Variants in INPP4B observed in about 807,000 individuals in gnomAD.
The protein encoded by INPP4B is inositol polyphosphate 4-phosphatase type II.
In INPP4B, 55 loss-of-function variants were observed where a neutral mutation model predicts 122.5. The observed-to-expected ratio is 0.45, with a 90% confidence interval of 0.36 to 0.56. The LOEUF (loss-of-function observed/expected upper bound fraction) is 0.56. Ranked by LOEUF, INPP4B falls within the 20% of genes least tolerant of loss-of-function variation. INPP4B has a pLI of 0.00. For synonymous variants in INPP4B, 403 were observed against 388.7 expected (o/e 1.04, Z -0.43); for missense variants, 1,000 against 1,097.7 (o/e 0.91, Z 1.26).
intron 18 of INPP4B, among the ~76,000 whole-genome samples, chr4:142,139,115 G>C (rs1335393082): frequency 6.6e-6 from 1 of 152,074 alleles, no homozygotes; most frequent in Admixed American, 6.6e-5. Flanking sequence ...GTAAGGACAG[G>C]GCCATGACTG....
chr4:142,571,089 C>CAAAA (rs374253787), intron 2 of INPP4B, among the ~76,000 whole-genome samples: 187 of 84,232 alleles, frequency 2.2e-3, no homozygotes, highest in Middle Eastern at 0.014. Context: ...TCATGTTTCT[C>CAAAA]AAAAAAAAAA....
chr4:142,714,602 T>C (rs1763531291), intron 2 of INPP4B, among the ~76,000 whole-genome samples: 1 of 152,238 alleles, frequency 6.6e-6, no homozygotes, highest in African/African-American at 2.4e-5. Flanking sequence ...TCTATTTGTT[T>C]TTGCTTTTCT....
chr4:142,839,433 C>G (rs1561128024), intron 1 of INPP4B, among the ~76,000 whole-genome samples: 1 of 151,324 alleles, frequency 6.6e-6, no homozygotes, highest in Non-Finnish European at 1.5e-5. Flanking sequence ...GACTCCATCT[C>G]AACAACAACA....
chr4:142,518,962 A>T (rs1825750257), intron 2 of INPP4B: 1 of 152,250 alleles, frequency 6.6e-6, no homozygotes, highest in Non-Finnish European at 1.5e-5. Context: ...GTGAGATAAT[A>T]AATGTTCATT....
chr4:142,036,005 G>A (rs1381536439), intron 25 of INPP4B, among the ~76,000 whole-genome samples: 1 of 152,046 alleles, frequency 6.6e-6, no homozygotes, highest in East Asian at 1.9e-4. Flanking sequence ...ATTGTACATG[G>A]ACAGTGAGCT....
intron 2 of INPP4B, among the ~76,000 whole-genome samples, chr4:142,519,897 T>G (rs1825870830): frequency 6.6e-6 from 1 of 152,132 alleles, no homozygotes; most frequent in South Asian, 2.1e-4. Flanking sequence ...AACTTTTGGA[T>G]ACCTGAATAA....
At chr4:142,131,221 T>C (rs1048916599) in intron 18 of INPP4B, among the ~76,000 whole-genome samples, 8 of 152,100 alleles carry the variant, frequency 5.3e-5, no homozygotes, top group Non-Finnish European at 1.0e-4. Context: ...AGGTCATAGG[T>C]CTTTGAGCAA....
chr4:142,115,600 C>A (rs1792809019), intron 21 of INPP4B, among the ~76,000 whole-genome samples: 1 of 152,126 alleles, frequency 6.6e-6, no homozygotes, highest in Admixed American at 6.6e-5. Context: ...CTTTTACAGA[C>A]AAGCAAATAC....
intron 7 of INPP4B, among the ~76,000 whole-genome samples, chr4:142,316,144 G>T (rs967941994): frequency 2.0e-5 from 3 of 152,064 alleles, no homozygotes; most frequent in Non-Finnish European, 4.4e-5. Context: ...TGCACAATTT[G>T]TCAGTCATTA....
At chr4:142,799,530 C>T (rs528479160) in intron 1 of INPP4B, among the ~76,000 whole-genome samples, 1 of 151,778 alleles carries the variant, frequency 6.6e-6, no homozygotes, top group Non-Finnish European at 1.5e-5. Context: ...ATTAAAAGAA[C>T]TATTAATTTA....
At chr4:142,165,028 G>T (rs374671981) in intron 16 of INPP4B, among the ~76,000 whole-genome samples, 30 of 151,586 alleles carry the variant, frequency 2.0e-4, no homozygotes, top group African/African-American at 6.3e-4. Context: ...TTTTTCATTG[G>T]TGAGGTAATC....
At chr4:142,496,622 C>A (rs972551159) in intron 2 of INPP4B, among the ~76,000 whole-genome samples, 4 of 151,970 alleles carry the variant, frequency 2.6e-5, no homozygotes, top group Non-Finnish European at 5.9e-5. Flanking sequence ...AGTATTGTTT[C>A]CTATTGCTTT....
chr4:142,121,423 T>C (rs1351167522), intron 21 of INPP4B, among the ~76,000 whole-genome samples: 2 of 152,144 alleles, frequency 1.3e-5, no homozygotes, highest in Admixed American at 6.6e-5. Flanking sequence ...GTTTTGAACA[T>C]GACCCCAGAA....
intron 2 of INPP4B, among the ~76,000 whole-genome samples, chr4:142,559,701 A>G (rs186050872): frequency 1.2e-4 from 18 of 152,312 alleles, no homozygotes; most frequent in African/African-American, 3.8e-4. Flanking sequence ...TATGATAACT[A>G]TATATATTAT....
intron 2 of INPP4B, among the ~76,000 whole-genome samples, chr4:142,503,083 T>C (rs1234791038): frequency 6.6e-6 from 1 of 152,226 alleles, no homozygotes; most frequent in Non-Finnish European, 1.5e-5. Flanking sequence ...TATCCATTAC[T>C]CACTAGAGTG....
chr4:142,108,635 A>G (rs1362223337), intron 22 of INPP4B, among the ~76,000 whole-genome samples: 2 of 152,174 alleles, frequency 1.3e-5, no homozygotes, highest in African/African-American at 4.8e-5. Context: ...GGCTGCACGC[A>G]GTCTTGCCCA....
intron 25 of INPP4B, among the ~76,000 whole-genome samples, chr4:142,060,349 C>T (rs1349025073): frequency 1.3e-5 from 2 of 152,036 alleles, no homozygotes; most frequent in Non-Finnish European, 2.9e-5. Flanking sequence ...AAAATGTATT[C>T]ATTTATATTT....
chr4:142,729,339 C>A (rs184906000), intron 1 of INPP4B, among the ~76,000 whole-genome samples: 78 of 152,254 alleles, frequency 5.1e-4, no homozygotes, highest in East Asian at 5.8e-4. Context: ...ATCAGAACAC[C>A]CAGCTGCACG....
At chr4:142,609,446 T>A (rs995875779) in intron 2 of INPP4B, among the ~76,000 whole-genome samples, 2 of 152,088 alleles carry the variant, frequency 1.3e-5, no homozygotes, top group Non-Finnish European at 2.9e-5. Context: ...AAAAAAGTTA[T>A]CTCTCCTGTT....
Sources: allele counts gnomAD v4.1 joint callset (sites outside exome capture counted in the v4.1 genomes callset), GRCh38; gene constraint gnomAD v4.1.1; transcripts MANE v1.5; gene names NCBI Gene and HGNC (gene_info 2026-07-23, HGNC 2026-07-21).